WDR43: variants seen among roughly 807,000 people sequenced by gnomAD.
The protein encoded by WDR43 is WD repeat-containing protein 43.
In WDR43, 13 loss-of-function variants were observed where a neutral mutation model predicts 91.4. The ratio of observed to expected loss-of-function variants is 0.14; its 90% CI spans 0.09 to 0.23. The LOEUF (loss-of-function observed/expected upper bound fraction) is 0.23, where lower values mean the gene tolerates loss of function less well. WDR43 is among the 10% of genes least tolerant of loss of function. The pLI is 1.00. For synonymous variants in WDR43, 331 were observed against 287.9 expected, an observed-to-expected ratio of 1.15 and a Z score of -1.51; for missense variants, 780 against 809.4, an observed-to-expected ratio of 0.96 and a Z score of 0.44.
chr2:28,914,984 T>C (rs1161470291), intron 5 of WDR43, among the ~76,000 whole-genome samples: 1 of 151,820 alleles, frequency 6.6e-6, no homozygotes, highest in African/African-American at 2.4e-5. Flanking sequence ...AGAAATTTCC[T>C]GGATTTTATT....
At chr2:28,925,844 T>C (rs187560873) in intron 8 of WDR43, among the ~76,000 whole-genome samples, 16 of 152,364 alleles carry the variant, frequency 1.1e-4, no homozygotes, top group Non-Finnish European at 1.3e-4. Context: ...ACATGGCTCC[T>C]TGCCATATGT....
At position 28,946,712 on chromosome 2, in the gene WDR43, C is replaced by A. The variant is rs185161475; in HGVS notation, c.1967C>A (p.Thr656Lys). 5.1e-6 allele frequency: 8 copies of A among 1,582,410 alleles called. No homozygotes were observed. The highest frequency in any genetic ancestry group is 6.9e-6 in the Non-Finnish European group (8 of 1,164,022). Reference protein sequence around the residue: ...KDEENGEDRDTASEKELNGDS... With the variant: ...KDEENGEDRDKASEKELNGDS... ...GAAGAAAATGGCGAGGACAGAGATA[C>A]AGCAAGTGAAAAAGAATTAAATGGA... Residue 656 changes from threonine (T) to lysine (K), a missense_variant, in exon 18 of 18, where the codon ACA becomes AAA. Transcript: ENST00000407426.
In WDR43 at chr2:28,922,919, C is replaced by T. The variant is rs1224254196; in HGVS notation, c.850C>T (p.Pro284Ser). The T allele has an allele frequency of 1.2e-6, 2 of 1,607,796 alleles. No homozygotes were observed. Among genetic ancestry groups the T allele is most frequent in the South Asian group, 1.1e-5 (1 of 90,512 alleles). Residue 284 changes from proline to serine, a missense_variant and splice_region_variant, in exon 7 of 18, where the codon CCT (proline) becomes TCT (serine). Coordinates refer to ENST00000407426, the MANE Select transcript of WDR43 (RefSeq NM_015131.3). Reference protein sequence around the residue: ...DLTLSENKEEPVKLAVVCRDG... With the variant: ...DLTLSENKEESVKLAVVCRDG... ...TACGTTGGTTACATTTTTCTTTTAG[C>T]CTGTCAAGTTGGCTGTTGTTTGCAG...
chr2:28,937,375 A>G, intron 13 of WDR43, among the ~76,000 whole-genome samples: 1 of 152,124 alleles, frequency 6.6e-6, no homozygotes, highest in Non-Finnish European at 1.5e-5. Flanking sequence ...CTTATAGTAT[A>G]TTATCATCAG....
chr2:28,933,364 A>C (rs1671283014), intron 11 of WDR43, among the ~76,000 whole-genome samples: 1 of 152,210 alleles, frequency 6.6e-6, no homozygotes. Flanking sequence ...GTTTTATCTC[A>C]CCTTACACAA....
At chr2:28,944,373 A>T (rs1671503582) in intron 16 of WDR43, among the ~76,000 whole-genome samples, 1 of 152,204 alleles carries the variant, frequency 6.6e-6, no homozygotes, top group South Asian at 2.1e-4. Flanking sequence ...TTTGAATGTG[A>T]TAAATATAGA....
At chr2:28,931,539 T>C (rs551262574) in intron 11 of WDR43, among the ~76,000 whole-genome samples, 1 of 152,348 alleles carries the variant, frequency 6.6e-6, no homozygotes, top group Non-Finnish European at 1.5e-5. Context: ...CACTGTGGTA[T>C]CATTTAACAC....
intron 3 of WDR43, among the ~76,000 whole-genome samples, chr2:28,908,099 A>G (rs987028778): frequency 2.6e-5 from 4 of 152,236 alleles, no homozygotes; most frequent in South Asian, 2.1e-4. Flanking sequence ...AATGATCGCA[A>G]TCATTGAGTT....
At chr2:28,910,695 A>AT (rs59028991) in intron 3 of WDR43, among the ~76,000 whole-genome samples, 153 of 146,558 alleles carry the variant, frequency 1.0e-3, no homozygotes, top group African/African-American at 3.2e-3. Context: ...ATATATATAT[A>AT]ATTATTATTT....
At chr2:28,921,863 A>G (rs1037149201) in intron 6 of WDR43, among the ~76,000 whole-genome samples, 1 of 152,102 alleles carries the variant, frequency 6.6e-6, no homozygotes, top group Non-Finnish European at 1.5e-5. Flanking sequence ...GCATGTGCCC[A>G]CCATACTCTG....
intron 1 of WDR43, 90 bp from the exon 2 acceptor site, chr2:28,901,897 T>C: frequency 1.6e-6 from 2 of 1,284,942 alleles, no homozygotes; most frequent in South Asian, 1.6e-5. Flanking sequence ...AAAATGTCTT[T>C]TGTGGGCTGG....
intron 6 of WDR43, among the ~76,000 whole-genome samples, chr2:28,921,550 A>G (rs943237790): frequency 1.3e-5 from 2 of 152,082 alleles, no homozygotes; most frequent in South Asian, 4.1e-4. Context: ...CCAAAACAAA[A>G]CTTTGATTAT....
intron 1 of WDR43, among the ~76,000 whole-genome samples, chr2:28,901,714 G>A (rs1670580353): frequency 6.6e-6 from 1 of 152,114 alleles, no homozygotes; most frequent in Non-Finnish European, 1.5e-5. Flanking sequence ...GAGGCTTCTT[G>A]GACCTGTTAG....
Position 28,936,956 on chromosome 2 carries a change from A to G in WDR43, c.1556+3A>G. On this transcript the variant is annotated splice_donor_region_variant and intron_variant, in intron 13 of 17. Transcript: ENST00000407426. ...AGGTTACAAGGACATCCTAATAGGT[A>G]AGATTAAACAGGTGACTTAAAAACA... is the stretch of plus-strand genomic sequence containing the variant. 2 of 1,569,116 alleles carry G rather than the reference A, an allele frequency of 1.3e-6. No individual in the cohort carries two copies. Among genetic ancestry groups the G allele is most frequent in the Non-Finnish European group, 1.7e-6 (2 of 1,155,552 alleles).
chr2:28,935,942 T>A (rs1013779351), intron 12 of WDR43, among the ~76,000 whole-genome samples: 8 of 152,164 alleles, frequency 5.3e-5, no homozygotes, highest in Non-Finnish European at 1.2e-4. Flanking sequence ...ACCCCAAACA[T>A]AAAGCTCCCA....
At chr2:28,938,771 C>G (rs1456631473) in intron 14 of WDR43, among the ~76,000 whole-genome samples, 1 of 152,198 alleles carries the variant, frequency 6.6e-6, no homozygotes, top group African/African-American at 2.4e-5. Context: ...GGTTAATCTG[C>G]TTTGAGGTCA....
chr2:28,910,754 G>A (rs1006548378), intron 3 of WDR43, among the ~76,000 whole-genome samples: 4 of 150,944 alleles, frequency 2.6e-5, no homozygotes, highest in Non-Finnish European at 5.9e-5. Flanking sequence ...GTGGAGTGCA[G>A]CAGTGGTGTC....
chr2:28,923,190 A>G (rs1462768282), intron 7 of WDR43, among the ~76,000 whole-genome samples: 3 of 152,232 alleles, frequency 2.0e-5, no homozygotes, highest in Non-Finnish European at 4.4e-5. Flanking sequence ...TTGGCTTTTT[A>G]TGATGTATCC....
At chr2:28,913,605 T>G in intron 4 of WDR43, 1 of 514,588 alleles carries the variant, frequency 1.9e-6, no homozygotes, top group Non-Finnish European at 3.9e-6. Flanking sequence ...ACTGTGGAGA[T>G]TTAGTATTAT....
Sources: allele counts gnomAD v4.1 joint callset (sites outside exome capture counted in the v4.1 genomes callset), GRCh38; gene constraint gnomAD v4.1.1; transcripts MANE v1.5; gene names NCBI Gene and HGNC (gene_info 2026-07-23, HGNC 2026-07-21).